The following CCND2 variants were observed in gnomAD, a reference collection of about 807,000 sequenced individuals.
CCND2 encodes cyclin D2.
CCND2 carries 6 observed loss-of-function variants against 30.2 expected under a neutral mutation model. That is an observed-to-expected ratio of 0.20 (90% CI 0.11 to 0.39). The LOEUF is 0.39. Among genes scored for constraint, CCND2 ranks in the 10% least tolerant of loss-of-function variants. CCND2 has a pLI of 1.00. For synonymous variants in CCND2, 150 were observed against 153.1 expected, an observed-to-expected ratio of 0.98 and a Z score of 0.15; for missense variants, 235 against 373.4, an observed-to-expected ratio of 0.63 and a Z score of 3.06.
chr12:4,277,993 A>G (rs977784552), intron 2 of CCND2, among the ~76,000 whole-genome samples: 1 of 152,258 alleles, frequency 6.6e-6, no homozygotes, highest in East Asian at 1.9e-4. Context: ...CCCAAGAGAC[A>G]GGGTTGTGTG....
At chr12:4,294,063 G>T (rs1864134583) in intron 4 of CCND2, among the ~76,000 whole-genome samples, 1 of 152,152 alleles carries the variant, frequency 6.6e-6, no homozygotes, top group Non-Finnish European at 1.5e-5. Context: ...TCAGCCCTTT[G>T]TCCCCCTGTT....
chr12:4,273,915 A>G lies in CCND2; in HGVS notation c.-126A>G, dbSNP rs1591642596. 2.3e-6 allele frequency: 2 copies of G among 887,730 alleles called. No homozygotes were observed. The highest frequency in any genetic ancestry group is 3.4e-6 in the Non-Finnish European group (2 of 594,810). 55.0% of individuals were successfully genotyped at this position (887,730 alleles called of 1,614,324 possible). A position where few individuals can be genotyped will look rare whatever the true frequency, so the allele number is the denominator to read the frequency against. ...CTCTGCCCTCACCTCTCCCCCGAAA[A>G]CCCCCTATTTAGCCAAAGGAAGGAG... On this transcript the variant is annotated 5_prime_UTR_variant, in exon 1 of 5. Transcript: ENST00000261254. This position sits in a 1 kb window ranked among gnomAD's most constrained non-coding sequence, Gnocchi z 5.9.
At position 4,274,004 on chromosome 12, in the gene CCND2, G is replaced by A. The variant is rs2120512513; in HGVS notation, c.-37G>A. The A allele has an allele frequency of 1.9e-6, 3 of 1,588,962 alleles. No individual in the cohort carries two copies. The highest frequency in any genetic ancestry group is 2.3e-5 in the East Asian group (1 of 44,250). ...AAACAGAAAAACCTTTTTCCAGGCC[G>A]GGGAAAGCAGGAGGGAGAGGGGCCG... On this transcript the variant is annotated 5_prime_UTR_variant, in exon 1 of 5. Coordinates refer to ENST00000261254, the MANE Select transcript of CCND2 (RefSeq NM_001759.4). This position sits in a 1 kb window ranked among gnomAD's most constrained non-coding sequence, Gnocchi z 7.7.
rs370159397 is a variant in CCND2, at chr12:4,285,988, A to G, written c.572-2854A>G. 3.3e-5 allele frequency among the ~76,000 whole-genome samples: 5 copies of G among 152,138 alleles called. No individual in the cohort carries two copies. In the South Asian group the frequency reaches 8.3e-4, roughly 25 times the overall value. ...GTTCTTCTCCTTGGGAGTCATTCCC[A>G]TTCCAGATCCTCAAGTAAGAGCAAA... is the stretch of plus-strand genomic sequence containing the variant. On this transcript the variant is annotated intron_variant, in intron 3 of 4. Transcript: ENST00000261254. This position sits in a 1 kb window ranked among gnomAD's most constrained non-coding sequence, Gnocchi z 4.1.
chr12:4,278,954 G>A, intron 3 of CCND2, 35 bp downstream of exon 3: 1 of 1,588,542 alleles, frequency 6.3e-7, no homozygotes, highest in Non-Finnish European at 8.6e-7. Flanking sequence ...GGGAGATGGG[G>A]GAGCTCTTTT....
chr12:4,290,326 C>T (rs1375373586), intron 4 of CCND2, among the ~76,000 whole-genome samples: 2 of 152,212 alleles, frequency 1.3e-5, no homozygotes, highest in Middle Eastern at 3.2e-3. Flanking sequence ...GGGCTCCAAA[C>T]ATACGCTTTT....
At chr12:4,280,568 C>A (rs964480329) in intron 3 of CCND2, among the ~76,000 whole-genome samples, 1 of 152,064 alleles carries the variant, frequency 6.6e-6, no homozygotes, top group African/African-American at 2.4e-5. Context: ...GGATAGTGGT[C>A]ACTCTGGCTT....
At position 4,273,911 on chromosome 12, in the gene CCND2, GA is replaced by G. The variant is rs1863821441; in HGVS notation, c.-126del. 5.7e-6 allele frequency: 5 copies of G among 877,976 alleles called. No individual in the cohort carries two copies. The highest frequency in any genetic ancestry group is 8.5e-6 in the Non-Finnish European group (5 of 586,256). 54.4% of individuals were successfully genotyped at this position (877,976 alleles called of 1,614,324 possible). A position where few individuals can be genotyped will look rare whatever the true frequency, so the allele number is the denominator to read the frequency against. ...CTCTCTCTGCCCTCACCTCTCCCCC[GA>G]AAACCCCCTATTTAGCCAAAGGAAG... On this transcript the variant is annotated 5_prime_UTR_variant, in exon 1 of 5. Coordinates refer to ENST00000261254, the MANE Select transcript of CCND2 (RefSeq NM_001759.4). The surrounding 1 kb of genome is among the most constrained non-coding windows in gnomAD (Gnocchi z 5.9).
At chr12:4,294,301 AG>A (rs1394723402) in intron 4 of CCND2, among the ~76,000 whole-genome samples, 3 of 151,184 alleles carry the variant, frequency 2.0e-5, no homozygotes, top group Non-Finnish European at 3.0e-5. Context: ...GGGGCAAGGG[AG>A]GGGGCCTATC....
intron 4 of CCND2, among the ~76,000 whole-genome samples, chr12:4,298,260 CT>C (rs1412853482): frequency 6.6e-6 from 1 of 152,210 alleles, no homozygotes; most frequent in Non-Finnish European, 1.5e-5. Flanking sequence ...TATTTCGTCT[CT>C]GCCTTTGGCC....
chr12:4,276,868 A>T lies in CCND2; in HGVS notation c.411+648A>T, dbSNP rs1216446031. On this transcript the variant is annotated intron_variant, in intron 2 of 4. Coordinates refer to ENST00000261254, the MANE Select transcript of CCND2 (RefSeq NM_001759.4). The surrounding 1 kb of genome is among the most constrained non-coding windows in gnomAD (Gnocchi z 4.8). ...TACCAGGGAACCTTTTTCCCACCTG[A>T]TCTAACTCCTTTTCCCTGCAGCTTG... Among the ~76,000 whole-genome samples, 2 of 152,116 alleles carry T rather than the reference A, an allele frequency of 1.3e-5. No individual in the cohort carries two copies. Among genetic ancestry groups the T allele is most frequent in the Non-Finnish European group, 2.9e-5 (2 of 68,022 alleles).
rs573219799 is a variant in CCND2, at chr12:4,283,496, C to CA, written c.571+4578dup. 5.8e-3 allele frequency among the ~76,000 whole-genome samples: 881 copies of CA among 152,382 alleles called. 4 individuals are homozygous for CA. Among genetic ancestry groups the CA allele is most frequent in the Middle Eastern group, 0.041 (12 of 294 alleles). ...TCATCCGGATCCCAGGCCCAACACT[C>CA]ACAGTGAGTGACATCAGCCAGATCA... On this transcript the variant is annotated intron_variant, in intron 3 of 4. Coordinates refer to ENST00000261254, the MANE Select transcript of CCND2 (RefSeq NM_001759.4).
chr12:4,286,452 A>G (rs1278357095), intron 3 of CCND2, among the ~76,000 whole-genome samples: 5 of 152,196 alleles, frequency 3.3e-5, no homozygotes, highest in Non-Finnish European at 7.4e-5. Context: ...GAGGTGGGGC[A>G]TGCTCAGGGA....
chr12:4,275,405 ACCATCCCCC>A (rs1283384749), intron 1 of CCND2: 1 of 150,434 alleles, frequency 6.6e-6, no homozygotes, highest in Non-Finnish European at 1.5e-5. Flanking sequence ...ATTTTTTGAA[ACCATCCCCC>A]CCTGCTCCGA....
intron 4 of CCND2, among the ~76,000 whole-genome samples, chr12:4,298,873 G>A (rs1463615842): frequency 6.6e-6 from 1 of 152,216 alleles, no homozygotes; most frequent in Non-Finnish European, 1.5e-5. Flanking sequence ...CTGCCTAAGA[G>A]AAGCTCCTGC....
At chr12:4,295,877 C>A (rs1025830597) in intron 4 of CCND2, among the ~76,000 whole-genome samples, 9 of 152,198 alleles carry the variant, frequency 5.9e-5, no homozygotes, top group African/African-American at 1.9e-4. Flanking sequence ...ATCTATGAAA[C>A]CTTCCTCTGT....
Position 4,289,453 on chromosome 12 carries a change from G to A in CCND2, c.720+463G>A, listed in dbSNP as rs3217857. On this transcript the variant is annotated intron_variant, in intron 4 of 4. Transcript: ENST00000261254. ...ACAAGAGGTGCCCCACTGTGAGAAC[G>A]GTGTCCGTCCCTGGCAAACCTCTCG... Among the ~76,000 whole-genome samples the A allele has an allele frequency of 2.3e-3, 355 of 152,286 alleles. 1 individual carries two copies. Among genetic ancestry groups the A allele is most frequent in the African/African-American group, 6.6e-3 (276 of 41,546 alleles).
chr12:4,304,129 A>G lies in CCND2; in HGVS notation c.*4120A>G, dbSNP rs1037427509. ...AAGAGGGCAGGGGAATTTTCTCTCC[A>G]TGGGCCACAGGGGACAGGGCTGGGA... On this transcript the variant is annotated 3_prime_UTR_variant, in exon 5 of 5. Coordinates refer to ENST00000261254, the MANE Select transcript of CCND2 (RefSeq NM_001759.4). This position sits in a 1 kb window ranked among gnomAD's most constrained non-coding sequence, Gnocchi z 6.2. 1 of 233,374 alleles carries G rather than the reference A, an allele frequency of 4.3e-6. No individual in the cohort carries two copies. The allele number at this position is 233,374 out of a possible 1,614,324, so 14.5% of individuals were successfully genotyped here.
chr12:4,279,472 C>T (rs754278959), intron 3 of CCND2, among the ~76,000 whole-genome samples: 76 of 151,524 alleles, frequency 5.0e-4, no homozygotes, highest in Non-Finnish European at 7.5e-4. Context: ...CCACTGGGCG[C>T]GGGAGGGAAC....
Sources: gnomAD v4.1 joint callset for allele counts (sites outside exome capture counted in the v4.1 genomes callset) on GRCh38, gnomAD v4.1.1 for gene constraint, Gnocchi (gnomAD v3.1) non-coding constraint, MANE v1.5 for transcripts, NCBI Gene and HGNC (gene_info 2026-07-23, HGNC 2026-07-21) for gene names.